The following SUPT3H variants were observed in gnomAD, a reference collection of about 807,000 sequenced individuals.
SUPT3H encodes SPT3 homolog, SAGA and STAGA complex component.
Under a neutral mutation model 44.3 loss-of-function variants are expected in SUPT3H, and 44 were observed. The ratio of observed to expected loss-of-function variants is 0.99; its 90% CI spans 0.78 to 1.28. The LOEUF is 1.28. SUPT3H is among the 50% of genes most tolerant of loss of function. SUPT3H has a pLI of 0.00. For synonymous variants in SUPT3H, 124 were observed against 125.6 expected, an observed-to-expected ratio of 0.99 and a Z score of 0.09; for missense variants, 380 against 387.1, an observed-to-expected ratio of 0.98 and a Z score of 0.15.
At chr6:44,935,926 C>T (rs183475247) in intron 9 of SUPT3H, among the ~76,000 whole-genome samples, 4 of 152,324 alleles carry the variant, frequency 2.6e-5, no homozygotes, top group Admixed American at 1.3e-4. Flanking sequence ...TATCCTTTCT[C>T]AGCCTTCCCC....
At chr6:44,882,937 T>C (rs967506788) in intron 10 of SUPT3H, among the ~76,000 whole-genome samples, 2 of 152,182 alleles carry the variant, frequency 1.3e-5, no homozygotes, top group African/African-American at 4.8e-5. Context: ...TCATACTGAA[T>C]AGGCAAAAGC....
At chr6:45,325,005 G>A (rs116747404) in intron 2 of SUPT3H, among the ~76,000 whole-genome samples, 184 of 151,714 alleles carry the variant, frequency 1.2e-3, no homozygotes, top group African/African-American at 4.1e-3. Context: ...AATAGATCCC[G>A]TGTAAGCTTA....
chr6:44,970,231 C>A (rs1474444898), intron 6 of SUPT3H, among the ~76,000 whole-genome samples: 1 of 151,654 alleles, frequency 6.6e-6, no homozygotes, highest in Non-Finnish European at 1.5e-5. Context: ...TGTTTTAATG[C>A]CCATTAAAAA....
At chr6:45,367,212 T>C (rs1795280715) in intron 1 of SUPT3H, among the ~76,000 whole-genome samples, 1 of 152,044 alleles carries the variant, frequency 6.6e-6, no homozygotes, top group South Asian at 2.1e-4. Context: ...CTGAGGGCCC[T>C]AACAGCCAGG....
At chr6:45,138,042 T>C (rs1373217151) in intron 2 of SUPT3H, among the ~76,000 whole-genome samples, 1 of 152,094 alleles carries the variant, frequency 6.6e-6, no homozygotes, top group African/African-American at 2.4e-5. Context: ...TTTTAAATTG[T>C]AAGATTTGAA....
At chr6:44,821,259 C>T (rs1230597431) in intron 11 of SUPT3H, among the ~76,000 whole-genome samples, 1 of 152,178 alleles carries the variant, frequency 6.6e-6, no homozygotes, top group Non-Finnish European at 1.5e-5. Flanking sequence ...ATGGTATGCA[C>T]AGCTAACATC....
At chr6:45,341,891 G>C (rs923936559) in intron 2 of SUPT3H, among the ~76,000 whole-genome samples, 2 of 152,068 alleles carry the variant, frequency 1.3e-5, no homozygotes, top group African/African-American at 2.4e-5. Context: ...CCACTAAAAA[G>C]ATGTATGAAG....
At chr6:45,184,525 G>A (rs1345202655) in intron 2 of SUPT3H, among the ~76,000 whole-genome samples, 1 of 151,982 alleles carries the variant, frequency 6.6e-6, no homozygotes, top group Non-Finnish European at 1.5e-5. Flanking sequence ...AGGCTCTCTG[G>A]TTGCATCAAC....
chr6:45,197,102 CATTT>C (rs1816180590), intron 2 of SUPT3H, among the ~76,000 whole-genome samples: 1 of 151,560 alleles, frequency 6.6e-6, no homozygotes, highest in African/African-American at 2.4e-5. Context: ...CTTCAATACT[CATTT>C]CTCATTTTAA....
intron 6 of SUPT3H, among the ~76,000 whole-genome samples, chr6:44,988,518 A>AT (rs1491319292): frequency 2.2e-5 from 2 of 89,800 alleles, no homozygotes; most frequent in African/African-American, 7.4e-5. Flanking sequence ...AAAGGCTTAA[A>AT]TAAAAAAAAA....
intron 2 of SUPT3H, among the ~76,000 whole-genome samples, chr6:45,164,211 A>C (rs1279761978): frequency 6.6e-6 from 1 of 152,094 alleles, no homozygotes; most frequent in East Asian, 1.9e-4. Flanking sequence ...TTTGAATCCC[A>C]AATCTGGGAC....
intron 5 of SUPT3H, among the ~76,000 whole-genome samples, chr6:45,008,425 G>A (rs1347424830): frequency 2.0e-5 from 3 of 152,142 alleles, no homozygotes; most frequent in African/African-American, 4.8e-5. Context: ...TGCAGTCACA[G>A]CATACTGCAG....
Position 45,166,563 on chromosome 6 carries a change from C to T in SUPT3H, c.102-60557G>A, listed in dbSNP as rs542091769. Among the ~76,000 whole-genome samples, 8 of 116,602 alleles carry T rather than the reference C, an allele frequency of 6.9e-5. No individual in the cohort carries two copies. In the South Asian group the frequency reaches 1.2e-3, roughly 17 times the overall value. 76.5% of individuals were successfully genotyped at this position (116,602 alleles called of 152,430 possible). ...TTGGGCCACTGCACTCCAGCCTGGG[C>T]GACAGAGCAAGACTCCATCCAAAAA... On this transcript the variant is annotated intron_variant, in intron 2 of 10. Coordinates refer to ENST00000371459, the MANE Select transcript of SUPT3H (RefSeq NM_003599.4).
chr6:45,053,396 T>C (rs1442523291), intron 3 of SUPT3H, among the ~76,000 whole-genome samples: 1 of 151,898 alleles, frequency 6.6e-6, no homozygotes, highest in East Asian at 1.9e-4. Context: ...AAATTTAAAA[T>C]GGAAATCTGC....
chr6:44,904,917 G>A (rs1365700772), intron 10 of SUPT3H, among the ~76,000 whole-genome samples: 1 of 152,162 alleles, frequency 6.6e-6, no homozygotes, highest in East Asian at 1.9e-4. Flanking sequence ...CAAGAAATGG[G>A]AAAACGATTC....
chr6:44,975,737 A>C (rs1392796942), intron 6 of SUPT3H, among the ~76,000 whole-genome samples: 2 of 152,198 alleles, frequency 1.3e-5, no homozygotes, highest in Admixed American at 1.3e-4. Context: ...AAAAAAATTG[A>C]AATGTCAATA....
chr6:45,365,093 TAAC>T (rs1315870781), intron 2 of SUPT3H, 105 bp downstream of exon 2: 2 of 718,514 alleles, frequency 2.8e-6, no homozygotes, highest in Admixed American at 6.3e-5. Flanking sequence ...ACTTGATTAA[TAAC>T]AAATTATTTC....
chr6:45,362,971 T>A (rs2150259458), intron 2 of SUPT3H, among the ~76,000 whole-genome samples: 1 of 152,140 alleles, frequency 6.6e-6, no homozygotes, highest in Middle Eastern at 3.4e-3. Context: ...ACAGTTTGGT[T>A]TTTTTAATAT....
chr6:45,259,824 T>C (rs1774060835), intron 2 of SUPT3H, among the ~76,000 whole-genome samples: 1 of 152,162 alleles, frequency 6.6e-6, no homozygotes, highest in African/African-American at 2.4e-5. Flanking sequence ...AAAACTGATG[T>C]TGGAAATGAC....
Sources: gnomAD v4.1 joint callset for allele counts (sites outside exome capture counted in the v4.1 genomes callset) on GRCh38, gnomAD v4.1.1 for gene constraint, MANE v1.5 for transcripts, NCBI Gene and HGNC (gene_info 2026-07-23, HGNC 2026-07-21) for gene names.